PHACTR1: variants seen among roughly 807,000 people sequenced by gnomAD.
The protein encoded by PHACTR1 is RPEL repeat containing 1.
Under a neutral mutation model 69.2 loss-of-function variants are expected in PHACTR1, and 16 were observed. The ratio of observed to expected loss-of-function variants is 0.23; its 90% CI spans 0.16 to 0.35. The LOEUF (loss-of-function observed/expected upper bound fraction) is 0.35. PHACTR1 is among the 10% of genes least tolerant of loss of function. PHACTR1 has a pLI of 1.00. For synonymous variants in PHACTR1, 312 were observed against 284.5 expected (o/e 1.10, Z -0.97); for missense variants, 510 against 734.7 (o/e 0.69, Z 3.54).
At position 13,004,418 on chromosome 6, in the gene PHACTR1, T is replaced by C. The variant is rs369699894; in HGVS notation, c.251-48947T>C. ...CATATCTTTGTTGGCCCTTTGTATG[T>C]TTTCTTTTGCAAAATGTCTGTTTGT... On this transcript the variant is annotated intron_variant, in intron 4 of 14. Coordinates refer to ENST00000332995, the MANE Select transcript of PHACTR1 (RefSeq NM_030948.6). 6.6e-5 allele frequency among the ~76,000 whole-genome samples: 10 copies of C among 152,266 alleles called. No individual in the cohort carries two copies. In the East Asian group the frequency reaches 1.7e-3, roughly 26 times the overall value.
intron 4 of PHACTR1, among the ~76,000 whole-genome samples, chr6:12,755,983 C>G (rs1287459225): frequency 6.6e-6 from 1 of 152,164 alleles, no homozygotes; most frequent in Non-Finnish European, 1.5e-5. Flanking sequence ...ACTTCTTTCC[C>G]TTTTTCTTCA....
At chr6:13,243,989 CA>C (rs1773221006) in intron 10 of PHACTR1, among the ~76,000 whole-genome samples, 1 of 152,116 alleles carries the variant, frequency 6.6e-6, no homozygotes, top group Non-Finnish European at 1.5e-5. Context: ...TTTCTTTATC[CA>C]GTCTGCCATT....
At chr6:12,878,503 C>G (rs2127451274) in intron 4 of PHACTR1, among the ~76,000 whole-genome samples, 1 of 152,298 alleles carries the variant, frequency 6.6e-6, no homozygotes. Flanking sequence ...GAAAGTAAGT[C>G]TCTTGAAGCC....
At chr6:12,832,591 C>A (rs1777702890) in intron 4 of PHACTR1, among the ~76,000 whole-genome samples, 1 of 151,812 alleles carries the variant, frequency 6.6e-6, no homozygotes, top group Non-Finnish European at 1.5e-5. Flanking sequence ...TTTAGGGAGT[C>A]AAGAACTTCT....
chr6:12,744,312 A>G (rs920756025), intron 3 of PHACTR1, among the ~76,000 whole-genome samples: 2 of 152,250 alleles, frequency 1.3e-5, no homozygotes, highest in Admixed American at 6.5e-5. Flanking sequence ...GCAGATTCTC[A>G]TTGCACTTAT....
intron 4 of PHACTR1, among the ~76,000 whole-genome samples, chr6:12,903,715 T>C (rs1335496116): frequency 3.9e-5 from 6 of 152,218 alleles, no homozygotes; most frequent in African/African-American, 1.4e-4. Flanking sequence ...GCCCTTGAGA[T>C]CATATAAAAA....
At chr6:13,073,652 A>G (rs1384892032) in intron 5 of PHACTR1, among the ~76,000 whole-genome samples, 1 of 151,610 alleles carries the variant, frequency 6.6e-6, no homozygotes, top group Non-Finnish European at 1.5e-5. Flanking sequence ...CATTCTATGA[A>G]TTTTTATTGA....
intron 4 of PHACTR1, among the ~76,000 whole-genome samples, chr6:12,997,477 T>G (rs1173776282): frequency 4.6e-5 from 7 of 150,910 alleles, no homozygotes; most frequent in Non-Finnish European, 7.4e-5. Flanking sequence ...TTTTCTAGTT[T>G]TATTCTATTT....
intron 4 of PHACTR1, among the ~76,000 whole-genome samples, chr6:12,773,851 T>A (rs1769702856): frequency 6.6e-6 from 1 of 152,228 alleles, no homozygotes; most frequent in Non-Finnish European, 1.5e-5. Flanking sequence ...TCATCTTTTC[T>A]TTTTTTCATT....
chr6:13,226,800 C>T (rs549371455), intron 8 of PHACTR1, among the ~76,000 whole-genome samples: 18 of 150,008 alleles, frequency 1.2e-4, no homozygotes, highest in Admixed American at 4.0e-4. Flanking sequence ...TGCAGTGACA[C>T]GATCTTGGCT....
intron 5 of PHACTR1, among the ~76,000 whole-genome samples, chr6:13,153,388 A>G (rs1360447099): frequency 2.6e-5 from 4 of 152,192 alleles, no homozygotes; most frequent in East Asian, 1.9e-4. Context: ...TAATTGAGAA[A>G]TCATTCTTCC....
chr6:12,738,623 G>A (rs1238319685), intron 3 of PHACTR1, among the ~76,000 whole-genome samples: 1 of 152,146 alleles, frequency 6.6e-6, no homozygotes, highest in African/African-American at 2.4e-5. Context: ...AGCACTTTGG[G>A]AGGCCGAGGC....
intron 3 of PHACTR1, among the ~76,000 whole-genome samples, chr6:12,748,776 G>A (rs1766145385): frequency 1.3e-5 from 2 of 152,150 alleles, no homozygotes. Context: ...AAATGAATGA[G>A]TACTTATGTA....
intron 4 of PHACTR1, among the ~76,000 whole-genome samples, chr6:12,813,863 C>T (rs1013627408): frequency 4.1e-4 from 62 of 152,296 alleles, no homozygotes; most frequent in African/African-American, 1.3e-3. Context: ...AGCATCCTTG[C>T]GGAGCTTGCT....
At chr6:12,932,311 A>G (rs754447164) in intron 4 of PHACTR1, among the ~76,000 whole-genome samples, 67 of 152,292 alleles carry the variant, frequency 4.4e-4, no homozygotes, top group Admixed American at 7.2e-4. Flanking sequence ...ATTTGGAAAA[A>G]AAATTTCTCA....
At chr6:13,155,987 C>T (rs922819804) in intron 5 of PHACTR1, among the ~76,000 whole-genome samples, 8 of 152,128 alleles carry the variant, frequency 5.3e-5, no homozygotes, top group East Asian at 1.9e-4. Context: ...CCCAAGTAAA[C>T]TCAAATCAGA....
chr6:13,099,063 A>G (rs887303812), intron 5 of PHACTR1, among the ~76,000 whole-genome samples: 2 of 152,210 alleles, frequency 1.3e-5, no homozygotes, highest in African/African-American at 2.4e-5. Flanking sequence ...TGGTCACTCC[A>G]GCCACACAGC....
At chr6:12,908,998 G>A (rs1481956740) in intron 4 of PHACTR1, among the ~76,000 whole-genome samples, 2 of 152,112 alleles carry the variant, frequency 1.3e-5, no homozygotes, top group African/African-American at 4.8e-5. Context: ...AGGAGACGGT[G>A]GGGGGAAACA....
intron 4 of PHACTR1, among the ~76,000 whole-genome samples, chr6:13,027,194 GCTCT>G (rs1352276538): frequency 1.3e-5 from 2 of 152,138 alleles, no homozygotes; most frequent in Non-Finnish European, 2.9e-5. Flanking sequence ...TCTTGCAAAT[GCTCT>G]CTTACTTTGC....
Sources: gnomAD v4.1 joint callset for allele counts (sites outside exome capture counted in the v4.1 genomes callset) on GRCh38, gnomAD v4.1.1 for gene constraint, MANE v1.5 for transcripts, NCBI Gene and HGNC (gene_info 2026-07-23, HGNC 2026-07-21) for gene names.